The following PTMA variants were observed in gnomAD, a reference collection of about 807,000 sequenced individuals.
PTMA encodes the protein prothymosin alpha.
Under a neutral mutation model 16.9 loss-of-function variants are expected in PTMA, and 4 were observed. The ratio of observed to expected loss-of-function variants is 0.24; its 90% CI spans 0.12 to 0.54. PTMA has a LOEUF of 0.54. Ranked by LOEUF, PTMA falls within the 20% of genes least tolerant of loss-of-function variation. The pLI, the probability that PTMA is intolerant of heterozygous loss-of-function variation, is 0.95. For synonymous variants in PTMA, 58 were observed against 47.9 expected (o/e 1.21, Z -0.87); for missense variants, 120 against 137.7 (o/e 0.87, Z 0.64).
chr2:231,710,049 T>C (rs945412801), intron 1 of PTMA: 36 of 1,223,324 alleles, frequency 2.9e-5, no homozygotes, highest in Admixed American at 4.3e-5. Context: ...TTCGATTTTC[T>C]CCGAAGCACC....
intron 1 of PTMA, chr2:231,710,370 C>T (rs2048501538): frequency 2.5e-6 from 3 of 1,194,782 alleles, no homozygotes; most frequent in Non-Finnish European, 3.1e-6. Context: ...GGCCCGCGCG[C>T]AAAGCCCGCC....
chr2:231,709,522 C>T (rs1305614566), intron 1 of PTMA, among the ~76,000 whole-genome samples: 2 of 152,134 alleles, frequency 1.3e-5, no homozygotes, highest in East Asian at 3.9e-4. Context: ...GGCGCTGGGG[C>T]GACGATGGGC....
chr2:231,709,469 C>T (rs1234619371), intron 1 of PTMA, among the ~76,000 whole-genome samples: 6 of 152,138 alleles, frequency 3.9e-5, no homozygotes, highest in Non-Finnish European at 5.9e-5. Flanking sequence ...GCTGAGGAGG[C>T]GAGAGCCCAC....
At position 231,712,789 on chromosome 2, in the gene PTMA, TC is replaced by T. The variant is rs777934444; in HGVS notation, c.286-14del. 1.5e-5 allele frequency: 24 copies of T among 1,591,706 alleles called. No individual in the cohort carries two copies. The highest frequency in any genetic ancestry group is 2.1e-5 in the Non-Finnish European group (24 of 1,169,220). Reference sequence around the variant, plus strand: ...CTGGGGTTGGAGGGGCCTTTGACAGTCTTTCTCTGCTTAGGATGACGATGTC... The same window carrying T: ...CTGGGGTTGGAGGGGCCTTTGACAGTTTTCTCTGCTTAGGATGACGATGTC... On this transcript the variant is annotated splice_polypyrimidine_tract_variant and intron_variant, in intron 4 of 4. Coordinates refer to ENST00000409115, the MANE Select transcript of PTMA (RefSeq NM_002823.5).
At chr2:231,711,203 C>CA (rs1346374251) in intron 1 of PTMA, 145 bp from the exon 2 acceptor site, 1 of 659,804 alleles carries the variant, frequency 1.5e-6, no homozygotes, top group Non-Finnish European at 2.7e-6. Context: ...AGAGGGACCG[C>CA]AGGGGCATCA....
In PTMA at chr2:231,712,812, T is replaced by A; in HGVS notation, c.294T>A (p.Asp98Glu). 2 of 1,593,550 alleles carry A rather than the reference T, an allele frequency of 1.3e-6. No homozygotes were observed. The highest frequency in any genetic ancestry group is 2.3e-5 in the East Asian group (1 of 44,228). ...KRAAEDDEDDDVDTKKQKTDE... is the reference protein window; with the variant it reads ...KRAAEDDEDDEVDTKKQKTDE... ...AGTCTTTCTCTGCTTAGGATGACGA[T>A]GTCGATACCAAGAAGCAGAAGACCG... The change falls in exon 5 of 5, where the codon GAT becomes GAA. Residue 98 changes from aspartate to glutamate, a missense_variant. Asp to Glu is a conservative substitution (Grantham distance 45). Transcript: ENST00000409115.
In PTMA at chr2:231,712,920, G is replaced by A. The variant is rs11266766; in HGVS notation, c.*69G>A. 80 of 1,482,424 alleles carry A rather than the reference G, an allele frequency of 5.4e-5. No individual in the cohort carries two copies. The highest frequency in any genetic ancestry group is 4.9e-5 in the East Asian group (2 of 40,588). 91.8% of individuals were successfully genotyped at this position (1,482,424 alleles called of 1,614,324 possible). A position where few individuals can be genotyped will look rare whatever the true frequency, so the allele number is the denominator to read the frequency against. ...GTGACCTATTCACCCTCCACTTCCCGTCTCAGAATCTAAACGTGGTCACCT... is the reference window on the plus strand; with the variant it reads ...GTGACCTATTCACCCTCCACTTCCCATCTCAGAATCTAAACGTGGTCACCT... On this transcript the variant is annotated 3_prime_UTR_variant, in exon 5 of 5. Transcript: ENST00000409115.
chr2:231,711,305 T>G lies in PTMA; in HGVS notation c.46-43T>G, dbSNP rs755995137. On this transcript the variant is annotated intron_variant, in intron 1 of 4. Coordinates refer to ENST00000409115, the MANE Select transcript of PTMA (RefSeq NM_002823.5). ...AGCGCCTTTGCTTACCCTGGGTTGC[T>G]CAGAAGACTTACTGGTTACTGGTTC... The G allele has an allele frequency of 7.7e-6, 12 of 1,556,942 alleles. No homozygotes were observed. The South Asian group carries it at 1.2e-4, about 16-fold the overall frequency.
At chr2:231,710,013 A>C (rs1048383012) in intron 1 of PTMA, 30 of 1,156,722 alleles carry the variant, frequency 2.6e-5, no homozygotes, top group African/African-American at 3.2e-5. Flanking sequence ...GGGTGAGAAC[A>C]CCGTCCCCAG....
At chr2:231,710,429 TC>T (rs998430127) in intron 1 of PTMA, 35 of 1,146,700 alleles carry the variant, frequency 3.1e-5, no homozygotes, top group Non-Finnish European at 3.5e-5. Context: ...CCCCCACTGC[TC>T]CCCGGGGCTT....
intron 1 of PTMA, among the ~76,000 whole-genome samples, chr2:231,709,138 G>T (rs1182980490): frequency 1.3e-5 from 2 of 152,172 alleles, no homozygotes; most frequent in Non-Finnish European, 1.5e-5. Flanking sequence ...TTGGGAATCG[G>T]AAGTGCTGGG....
chr2:231,709,875 C>A (rs997420471), intron 1 of PTMA: 2 of 292,550 alleles, frequency 6.8e-6, no homozygotes, highest in Non-Finnish European at 1.2e-5. Flanking sequence ...TCTCCTTAAC[C>A]CTTGTGTCCC....
At chr2:231,711,829 G>C in intron 2 of PTMA, 61 bp from the exon 3 acceptor site, 2 of 1,593,350 alleles carry the variant, frequency 1.3e-6, no homozygotes, top group Admixed American at 3.6e-5. Flanking sequence ...GGCATCAGGA[G>C]CAACGCTCTG....
chr2:231,708,941 G>A (rs1237950666), intron 1 of PTMA, among the ~76,000 whole-genome samples, 190 bp downstream of exon 1: 1 of 152,208 alleles, frequency 6.6e-6, no homozygotes, highest in Non-Finnish European at 1.5e-5. Flanking sequence ...GAACCGCCGC[G>A]GGCAGACGTG....
chr2:231,708,563 T>C lies in PTMA; in HGVS notation c.-144T>C, dbSNP rs2048469308. On this transcript the variant is annotated 5_prime_UTR_variant, in exon 1 of 5. Coordinates refer to ENST00000409115, the MANE Select transcript of PTMA (RefSeq NM_002823.5). ...CTCTGAAAAGCCATCTTTGCATTGT[T>C]CCTCATCCGCCTCCTTGCTCGCCGC... The C allele has an allele frequency of 7.5e-6, 7 of 933,352 alleles. No individual in the cohort carries two copies. Among genetic ancestry groups the C allele is most frequent in the African/African-American group, 4.9e-5 (3 of 61,188 alleles). The allele number at this position is 933,352 out of a possible 1,614,324, so 57.8% of individuals were successfully genotyped here.
At position 231,713,267 on chromosome 2, in the gene PTMA, G is replaced by A. The variant is rs1390331343; in HGVS notation, c.*416G>A. 1 of 482,818 alleles carries A rather than the reference G, an allele frequency of 2.1e-6. No homozygotes were observed. The highest frequency in any genetic ancestry group is 2.1e-5 in the African/African-American group (1 of 48,504). 29.9% of individuals were successfully genotyped at this position (482,818 alleles called of 1,614,324 possible). On this transcript the variant is annotated 3_prime_UTR_variant, in exon 5 of 5. Coordinates refer to ENST00000409115, the MANE Select transcript of PTMA (RefSeq NM_002823.5). ...GACCATGTTCATTATAATCTCAAAG[G>A]AGAAAAAAAACCTTGTAAAAAAAGC...
At chr2:231,709,156 T>C (rs1364952877) in intron 1 of PTMA, among the ~76,000 whole-genome samples, 2 of 151,880 alleles carry the variant, frequency 1.3e-5, no homozygotes, top group East Asian at 1.9e-4. Context: ...GGGGGGCGCG[T>C]GTTGGGGCGC....
chr2:231,712,052 G>A, intron 3 of PTMA, 69 bp downstream of exon 3: 1 of 1,547,100 alleles, frequency 6.5e-7, no homozygotes. Flanking sequence ...GAAGGGGAAG[G>A]AAGGAATTGG....
chr2:231,711,520 T>C (rs1025084364), intron 2 of PTMA, 101 bp downstream of exon 2: 4 of 1,095,682 alleles, frequency 3.7e-6, no homozygotes, highest in Admixed American at 4.0e-5. Context: ...TATGTGTATA[T>C]GTATAGCTTT....
Sources: gnomAD v4.1 joint callset for allele counts (sites outside exome capture counted in the v4.1 genomes callset) on GRCh38, gnomAD v4.1.1 for gene constraint, MANE v1.5 for transcripts, NCBI Gene and HGNC (gene_info 2026-07-23, HGNC 2026-07-21) for gene names.